Variants in GMCL1 observed in about 807,000 individuals in gnomAD.
GMCL1 encodes germ cell-less protein-like 1.
A neutral mutation model predicts 75.5 loss-of-function variants in GMCL1; 54 were observed. The observed-to-expected ratio is 0.71, with a 90% CI of 0.57 to 0.90. The LOEUF is 0.90. Ranked by LOEUF, GMCL1 falls within the 40% of genes least tolerant of loss-of-function variation. The pLI is 0.00. For synonymous variants in GMCL1, 210 were observed against 209.6 expected (o/e 1.00, Z -0.02); for missense variants, 537 against 622.7 (o/e 0.86, Z 1.47).
At chr2:69,844,905 T>C in intron 6 of GMCL1, 1 of 291,462 alleles carries the variant, frequency 3.4e-6, no homozygotes, top group South Asian at 2.9e-5. Context: ...TGTGGCCATG[T>C]CCCTGAATGT....
chr2:69,864,727 T>A (rs1415295567), intron 10 of GMCL1, among the ~76,000 whole-genome samples, 173 bp from the exon 11 acceptor site: 1 of 152,038 alleles, frequency 6.6e-6, no homozygotes, highest in African/African-American at 2.4e-5. Context: ...AAATCTTTTT[T>A]ATCTAGCAAA....
At chr2:69,855,041 G>T in intron 9 of GMCL1, 81 bp downstream of exon 9, 1 of 1,123,714 alleles carries the variant, frequency 8.9e-7, no homozygotes, top group East Asian at 2.8e-5. Context: ...AACAAGGAAA[G>T]AAGTAGAAAT....
At chr2:69,869,655 A>G (rs1675927171) in intron 11 of GMCL1, 64 bp from the exon 12 acceptor site, 2 of 1,513,602 alleles carry the variant, frequency 1.3e-6, no homozygotes, top group South Asian at 2.3e-5. Context: ...GACATTTTGA[A>G]TTTTTTATTT....
rs13024860 is a variant in GMCL1 at position 69,854,151 on chromosome 2, C to T, written c.935-672C>T. On this transcript the variant is annotated intron_variant, in intron 8 of 13. Coordinates refer to ENST00000282570, the MANE Select transcript of GMCL1 (RefSeq NM_178439.5). Reference sequence around the variant, plus strand: ...TTATTATTATTATTATTATTATTATCATTATTACTTATTTTAGAGACAAGT... The same window carrying T: ...TTATTATTATTATTATTATTATTATTATTATTACTTATTTTAGAGACAAGT... 6.3e-5 allele frequency among the ~76,000 whole-genome samples: 8 copies of T among 127,958 alleles called. No homozygotes were observed. In the South Asian group the frequency reaches 1.7e-3, roughly 27 times the overall value. 83.9% of individuals were successfully genotyped at this position (127,958 alleles called of 152,430 possible).
intron 1 of GMCL1, among the ~76,000 whole-genome samples, chr2:69,831,757 C>G (rs747706297): frequency 3.9e-5 from 6 of 152,122 alleles, no homozygotes; most frequent in Non-Finnish European, 7.4e-5. Flanking sequence ...CAGGCATGCA[C>G]CACCACACCC....
At chr2:69,871,352 C>T (rs1455799791) in intron 12 of GMCL1, among the ~76,000 whole-genome samples, 1 of 151,954 alleles carries the variant, frequency 6.6e-6, no homozygotes, top group Non-Finnish European at 1.5e-5. Flanking sequence ...CTGGTGGTTG[C>T]CAGGGCCTGA....
At chr2:69,866,671 C>T (rs1015442408) in intron 11 of GMCL1, among the ~76,000 whole-genome samples, 1 of 151,932 alleles carries the variant, frequency 6.6e-6, no homozygotes, top group Non-Finnish European at 1.5e-5. Flanking sequence ...CCCTGTGTTG[C>T]CCAGGCTAGT....
chr2:69,873,385 A>G (rs1676037730), intron 13 of GMCL1, among the ~76,000 whole-genome samples: 1 of 152,194 alleles, frequency 6.6e-6, no homozygotes, highest in Non-Finnish European at 1.5e-5. Context: ...AAAATAGAAA[A>G]TATGAGTCAG....
chr2:69,830,248 C>A, intron 1 of GMCL1, 96 bp downstream of exon 1: 4 of 1,433,762 alleles, frequency 2.8e-6, no homozygotes, highest in Non-Finnish European at 3.7e-6. Flanking sequence ...GCAGCGCTCC[C>A]CAGCCTATGG....
intron 8 of GMCL1, among the ~76,000 whole-genome samples, chr2:69,850,868 A>G (rs1204943084): frequency 2.0e-5 from 3 of 152,184 alleles, no homozygotes; most frequent in African/African-American, 7.2e-5. Flanking sequence ...TGTATAATAT[A>G]TCATTTTGTT....
At chr2:69,834,684 C>G (rs1674771662) in intron 1 of GMCL1, among the ~76,000 whole-genome samples, 1 of 152,114 alleles carries the variant, frequency 6.6e-6, no homozygotes, top group Non-Finnish European at 1.5e-5. Context: ...TTAGAATGTG[C>G]TTAAGTGTGG....
chr2:69,862,551 G>A (rs566215439), intron 10 of GMCL1, among the ~76,000 whole-genome samples: 2 of 152,218 alleles, frequency 1.3e-5, no homozygotes, highest in African/African-American at 2.4e-5. Flanking sequence ...CCTGAGGTCA[G>A]GAGTTCGAGA....
At chr2:69,867,555 C>G (rs1048219742) in intron 11 of GMCL1, among the ~76,000 whole-genome samples, 1 of 152,214 alleles carries the variant, frequency 6.6e-6, no homozygotes, top group Admixed American at 6.5e-5. Context: ...TATCACCTTT[C>G]TGACCACATT....
At chr2:69,848,727 GA>G (rs1211741510) in intron 7 of GMCL1, among the ~76,000 whole-genome samples, 1 of 152,162 alleles carries the variant, frequency 6.6e-6, no homozygotes, top group African/African-American at 2.4e-5. Context: ...ATACTTACAG[GA>G]TGTTTACGTG....
chr2:69,859,144 C>CAAAA (rs571712437), intron 9 of GMCL1, among the ~76,000 whole-genome samples: 1 of 62,660 alleles, frequency 1.6e-5, no homozygotes, highest in Admixed American at 1.7e-4. Context: ...GACTCTGTCT[C>CAAAA]AAAAAAAAAA....
At chr2:69,867,964 T>A (rs1300896281) in intron 11 of GMCL1, among the ~76,000 whole-genome samples, 1 of 152,228 alleles carries the variant, frequency 6.6e-6, no homozygotes, top group Non-Finnish European at 1.5e-5. Context: ...CTGTACATCA[T>A]CTTACCAGTA....
chr2:69,872,772 C>A (rs1676018069), intron 13 of GMCL1, among the ~76,000 whole-genome samples: 1 of 152,334 alleles, frequency 6.6e-6, no homozygotes, highest in South Asian at 2.1e-4. Flanking sequence ...TCAGAACTCT[C>A]TGTTGGTCCT....
intron 6 of GMCL1, chr2:69,844,544 C>CTTTTTT (rs34141260): frequency 7.6e-6 from 1 of 132,196 alleles, no homozygotes; most frequent in African/African-American, 2.7e-5. Flanking sequence ...CTGTTTTGGC[C>CTTTTTT]TTTTTTTTTT....
chr2:69,837,187 A>G (rs1674843752), intron 1 of GMCL1, among the ~76,000 whole-genome samples: 1 of 152,216 alleles, frequency 6.6e-6, no homozygotes. Context: ...TGGTTTCTAA[A>G]TAAGGAAATA....
Sources: gnomAD v4.1 joint callset for allele counts (sites outside exome capture counted in the v4.1 genomes callset) on GRCh38, gnomAD v4.1.1 for gene constraint, MANE v1.5 for transcripts, NCBI Gene and HGNC (gene_info 2026-07-23, HGNC 2026-07-21) for gene names.